Variants in GRM7 observed in about 807,000 individuals in gnomAD.
GRM7 encodes the protein metabotropic glutamate receptor 7.
In GRM7, 35 loss-of-function variants were observed where a neutral mutation model predicts 84.5. The ratio of observed to expected loss-of-function variants is 0.41; its 90% CI spans 0.32 to 0.55. The LOEUF (loss-of-function observed/expected upper bound fraction) is 0.55. GRM7 is among the 20% of genes least tolerant of loss of function. The pLI, the probability that GRM7 is intolerant of heterozygous loss-of-function variation, is 0.19. For missense variants in GRM7, 1,003 were observed against 1,194.6 expected (o/e 0.84, Z 2.36); for synonymous variants, 487 against 455.1 (o/e 1.07, Z -0.89).
At chr3:7,308,257 G>A (rs1575149006) in intron 4 of GRM7, among the ~76,000 whole-genome samples, 1 of 75,384 alleles carries the variant, frequency 1.3e-5, no homozygotes, top group South Asian at 3.3e-4. Context: ...TTATTTTGGG[G>A]GTCTCAGATG....
At chr3:6,914,504 G>A (rs1263812089) in intron 1 of GRM7, among the ~76,000 whole-genome samples, 1 of 151,996 alleles carries the variant, frequency 6.6e-6, no homozygotes, top group African/African-American at 2.4e-5. Context: ...CCGGGTTCAA[G>A]TGATTCTCCT....
chr3:7,426,057 TC>T (rs1359229408), intron 5 of GRM7, among the ~76,000 whole-genome samples: 1 of 152,154 alleles, frequency 6.6e-6, no homozygotes, highest in East Asian at 1.9e-4. Flanking sequence ...TAAAACTAAT[TC>T]CTCAACATTT....
intron 4 of GRM7, among the ~76,000 whole-genome samples, chr3:7,349,146 C>T (rs568365345): frequency 5.3e-5 from 8 of 152,180 alleles, no homozygotes; most frequent in African/African-American, 1.4e-4. Flanking sequence ...CTCTTACAGT[C>T]GATTTCTGTG....
intron 6 of GRM7, among the ~76,000 whole-genome samples, chr3:7,459,565 C>T (rs920048362): frequency 3.9e-5 from 6 of 151,924 alleles, no homozygotes; most frequent in African/African-American, 1.2e-4. Context: ...TACATGGTGG[C>T]GGGCAAAAGA....
chr3:7,381,071 G>A (rs1369575903), intron 4 of GRM7, among the ~76,000 whole-genome samples: 1 of 152,158 alleles, frequency 6.6e-6, no homozygotes, highest in Non-Finnish European at 1.5e-5. Context: ...TCTTCTCTTA[G>A]TTTCGTCAGT....
In GRM7 at chr3:7,578,642, T is replaced by G; in HGVS notation, c.1736T>G (p.Ile579Ser). ...PNENRTGCQD[I>S]PIIKLEWHSP... ...GAAAATCGAACCGGATGCCAGGATA[T>G]TCCCATCATCAAACTGGAGTGGCAC... is the stretch of plus-strand genomic sequence containing the variant. Residue 579 changes from isoleucine to serine, a missense_variant, in exon 8 of 10, where the codon ATT (isoleucine) becomes AGT (serine). By Grantham distance (142) the Ile-to-Ser change is moderately radical. Coordinates refer to ENST00000357716, the MANE Select transcript of GRM7 (RefSeq NM_000844.4). 6.2e-7 allele frequency: 1 copy of G among 1,613,948 alleles called. No individual in the cohort carries two copies. Among genetic ancestry groups the G allele is most frequent in the African/African-American group, 1.3e-5 (1 of 75,018 alleles).
At chr3:7,203,697 C>G (rs1022149428) in intron 2 of GRM7, among the ~76,000 whole-genome samples, 17 of 152,144 alleles carry the variant, frequency 1.1e-4, no homozygotes, top group Admixed American at 7.2e-4. Context: ...GTTGCACTAA[C>G]TTATATTCCC....
At chr3:7,722,077 C>T (rs540302769) in intron 9 of GRM7, among the ~76,000 whole-genome samples, 4 of 152,122 alleles carry the variant, frequency 2.6e-5, no homozygotes, top group Non-Finnish European at 5.9e-5. Context: ...TTGCTGGCAC[C>T]CTAACAGTGT....
chr3:6,969,708 C>G (rs1302913327), intron 1 of GRM7, among the ~76,000 whole-genome samples: 1 of 152,192 alleles, frequency 6.6e-6, no homozygotes, highest in African/African-American at 2.4e-5. Context: ...TGGTTTTGCC[C>G]TGCCTGCTCC....
intron 2 of GRM7, among the ~76,000 whole-genome samples, chr3:7,175,806 G>A (rs1191618878): frequency 1.3e-5 from 2 of 152,118 alleles, no homozygotes; most frequent in Non-Finnish European, 1.5e-5. Flanking sequence ...CCAAAGTGCT[G>A]GGATTACAGG....
intron 8 of GRM7, among the ~76,000 whole-genome samples, chr3:7,621,805 G>GA (rs1697371638): frequency 6.6e-6 from 1 of 152,042 alleles, no homozygotes; most frequent in African/African-American, 2.4e-5. Context: ...GTTTATAATG[G>GA]AAAAAGCTGA....
At chr3:7,135,190 A>T (rs934863547) in intron 1 of GRM7, among the ~76,000 whole-genome samples, 10 of 152,256 alleles carry the variant, frequency 6.6e-5, no homozygotes, top group Admixed American at 1.3e-4. Context: ...CCAAATTAGA[A>T]TTCCTGCCCA....
At chr3:7,452,204 G>C (rs1466175821) in intron 5 of GRM7, among the ~76,000 whole-genome samples, 1 of 152,088 alleles carries the variant, frequency 6.6e-6, no homozygotes, top group South Asian at 2.1e-4. Flanking sequence ...GGTACAATAG[G>C]TGTGTAGAAA....
At chr3:7,370,963 A>G (rs1198301882) in intron 4 of GRM7, among the ~76,000 whole-genome samples, 3 of 152,162 alleles carry the variant, frequency 2.0e-5, no homozygotes, top group Non-Finnish European at 4.4e-5. Context: ...CTTGAATTTG[A>G]TTTTAGGAGC....
At position 7,318,505 on chromosome 3, in the gene GRM7, A is replaced by C. The variant is rs1362158505; in HGVS notation, c.1033+11853A>C. On this transcript the variant is annotated intron_variant, in intron 4 of 9. Coordinates refer to ENST00000357716, the MANE Select transcript of GRM7 (RefSeq NM_000844.4). ...ATCAGTAGAGGGAATTGAAAGGGCC[A>C]TTAAGTTAGCCAAATGGATGGCTGG... 3.3e-5 allele frequency among the ~76,000 whole-genome samples: 5 copies of C among 152,248 alleles called. No homozygotes were observed. The Middle Eastern group carries it at 0.017, about 518-fold the overall frequency.
chr3:6,865,276 G>A (rs185723545), intron 1 of GRM7, among the ~76,000 whole-genome samples: 20 of 152,264 alleles, frequency 1.3e-4, no homozygotes, highest in Non-Finnish European at 2.6e-4. Context: ...CACAGAGTTG[G>A]GATGGCTGGA....
At chr3:6,875,542 C>T (rs1415311489) in intron 1 of GRM7, among the ~76,000 whole-genome samples, 1 of 152,250 alleles carries the variant, frequency 6.6e-6, no homozygotes, top group African/African-American at 2.4e-5. Context: ...TGTGAGGCCT[C>T]CCCAGCCGTG....
At chr3:7,022,333 A>T (rs926322730) in intron 1 of GRM7, among the ~76,000 whole-genome samples, 4 of 150,620 alleles carry the variant, frequency 2.7e-5, no homozygotes, top group South Asian at 2.1e-4. Flanking sequence ...TCAGAAAAAA[A>T]AAAATAATAA....
chr3:7,103,816 T>TTCTTTCTTTCTTTCTTTCTTTCTTTC (rs1553617438), intron 1 of GRM7, among the ~76,000 whole-genome samples: 29 of 89,084 alleles, frequency 3.3e-4, no homozygotes, highest in East Asian at 6.0e-4. Context: ...CTTTCTTTCT[T>TTCTTTCTTTCTTTCTTTCTTTCTTTC]TCTCTCTCTC....
Sources: allele counts gnomAD v4.1 joint callset (sites outside exome capture counted in the v4.1 genomes callset), GRCh38; gene constraint gnomAD v4.1.1; transcripts MANE v1.5; gene names NCBI Gene and HGNC (gene_info 2026-07-23, HGNC 2026-07-21).